Variants in NUAK2 observed in about 807,000 individuals in gnomAD.
The protein encoded by NUAK2 is NUAK family kinase 2, also known as NUAK family SNF1-like kinase 2.
NUAK2 carries 20 observed loss-of-function variants against 29.8 expected under a neutral mutation model. That is an observed-to-expected ratio of 0.67 (90% CI 0.47 to 0.98). The LOEUF (loss-of-function observed/expected upper bound fraction) is 0.98, where lower values mean the gene tolerates loss of function less well. Among genes scored for constraint, NUAK2 ranks in the 50% least tolerant of loss-of-function variants. NUAK2 has a pLI of 0.00. For synonymous variants in NUAK2, 331 were observed against 342.6 expected (o/e 0.97, Z 0.37); for missense variants, 719 against 834.5 (o/e 0.86, Z 1.71).
intron 1 of NUAK2, 39 bp from the exon 2 acceptor site, chr1:205,311,864 G>A: frequency 6.2e-7 from 1 of 1,610,986 alleles, no homozygotes; most frequent in Non-Finnish European, 8.5e-7. Flanking sequence ...GAAAGGTTTG[G>A]CAGAGGACAC....
rs1459146734 is a variant in NUAK2, at chr1:205,304,426, T to G, written c.911A>C (p.Asn304Thr). The G allele has an allele frequency of 6.3e-7, 1 of 1,589,866 alleles. No individual in the cohort carries two copies. Among genetic ancestry groups the G allele is most frequent in the Non-Finnish European group, 8.6e-7 (1 of 1,166,456 alleles). ...LEDVASHWWV[N>T]WGYATRVGEQ... ...TCCCACTCGGGTGGCGTAGCCCCAGTTGACCCACCAGTGACTGGCCACATC... is the reference window on the plus strand; with the variant it reads ...TCCCACTCGGGTGGCGTAGCCCCAGGTGACCCACCAGTGACTGGCCACATC... The change falls in exon 7 of 7, where the codon AAC (asparagine) becomes ACC (threonine). Residue 304 changes from asparagine to threonine, a missense_variant. By Grantham distance (65) the Asn-to-Thr change is moderately conservative (BLOSUM62 0). Coordinates refer to ENST00000367157, the MANE Select transcript of NUAK2 (RefSeq NM_030952.3). This position sits in a 1 kb window ranked among gnomAD's most constrained non-coding sequence, Gnocchi z 6.5.
chr1:205,315,134 G>T (rs571577614), intron 1 of NUAK2, among the ~76,000 whole-genome samples: 1 of 152,162 alleles, frequency 6.6e-6, no homozygotes, highest in Non-Finnish European at 1.5e-5. Context: ...ATCACAGTAC[G>T]GCTGGCACTT....
rs1166768975 is a variant in NUAK2, at chr1:205,321,629, G to A, written c.-1C>T. On this transcript the variant is annotated 5_prime_UTR_variant, in exon 1 of 7. Transcript: ENST00000367157. ...GCCGCGCGAAAACCAGCGACTCCAT[G>A]GCGAGCAGGAGGTGAGCAAGGGCGG... The A allele has an allele frequency of 1.1e-5, 18 of 1,608,178 alleles. No individual in the cohort carries two copies. Among genetic ancestry groups the A allele is most frequent in the Non-Finnish European group, 1.5e-5 (18 of 1,179,286 alleles).
In NUAK2 at chr1:205,308,683, C is replaced by G; in HGVS notation, c.402G>C (p.Arg134=). Residue 134 remains arginine (R), a synonymous_variant, in exon 3 of 7, where the codon CGG becomes CGC. Transcript: ENST00000367157. This position sits in a 1 kb window ranked among gnomAD's most constrained non-coding sequence, Gnocchi z 4.1. The part of the protein sequence containing the change: ...KIVIVMEYAS[R]GDLYDYISER... Reference sequence around the variant, plus strand: ...CGCTGATGTAGTCATAAAGGTCGCCCCGGCTGGCATACTCCATGACGATCA... The same window carrying G: ...CGCTGATGTAGTCATAAAGGTCGCCGCGGCTGGCATACTCCATGACGATCA... 6.2e-7 allele frequency: 1 copy of G among 1,614,092 alleles called. No homozygotes were observed. The highest frequency in any genetic ancestry group is 8.5e-7 in the Non-Finnish European group (1 of 1,180,030).
In NUAK2 at chr1:205,320,168, A is replaced by G. The variant is rs1446019579; in HGVS notation, c.231+1230T>C. On this transcript the variant is annotated intron_variant, in intron 1 of 6. Coordinates refer to ENST00000367157, the MANE Select transcript of NUAK2 (RefSeq NM_030952.3). ...ACTCAAGTTTGAGAACCAGTTAACC[A>G]CTGCTAACTAACTTTTGACAAATTT... Among the ~76,000 whole-genome samples the G allele has an allele frequency of 2.0e-5, 3 of 152,188 alleles. No individual in the cohort carries two copies. The East Asian group carries it at 5.8e-4, about 29-fold the overall frequency.
intron 2 of NUAK2, among the ~76,000 whole-genome samples, chr1:205,309,477 C>T (rs1352872028): frequency 6.6e-6 from 1 of 152,162 alleles, no homozygotes; most frequent in Non-Finnish European, 1.5e-5. Flanking sequence ...AAGGTGCGCG[C>T]CACCATGCCA....
Position 205,303,877 on chromosome 1 carries a change from T to G in NUAK2, c.1460A>C (p.Lys487Thr). 1 of 1,614,046 alleles carries G rather than the reference T, an allele frequency of 6.2e-7. No homozygotes were observed. Among genetic ancestry groups the G allele is most frequent in the East Asian group, 2.2e-5 (1 of 44,870 alleles). The change falls in exon 7 of 7, where the codon AAG becomes ACG. Residue 487 changes from lysine to threonine, a missense_variant. Lys to Thr is a moderately conservative substitution (Grantham distance 78, BLOSUM62 -1). Around this residue, in one of 3 missense-constraint regions of NUAK2, gnomAD observed 430 missense variants for 465.7 expected, o/e 0.92. Coordinates refer to ENST00000367157, the MANE Select transcript of NUAK2 (RefSeq NM_030952.3). ...GAGCAGCCCTGAAGCTTGCGGAGGCTTCTGCTCCTTGGGATCCCCACTCAC... is the reference window on the plus strand; with the variant it reads ...GAGCAGCCCTGAAGCTTGCGGAGGCGTCTGCTCCTTGGGATCCCCACTCAC... ...VFVSGDPKEQ[K>T]PPQASGLLLH... is the part of the protein sequence containing the mutation.
In NUAK2 at chr1:205,304,626, G is replaced by A. The variant is rs1558671742; in HGVS notation, c.824-113C>T. On this transcript the variant is annotated intron_variant, in intron 6 of 6. Transcript: ENST00000367157. The surrounding 1 kb of genome is among the most constrained non-coding windows in gnomAD (Gnocchi z 6.5). ...CTATGACACTGCATACTCCTGGGTCGGATGCGTCCCTTCCAACCTAGGGCT... is the reference window on the plus strand; with the variant it reads ...CTATGACACTGCATACTCCTGGGTCAGATGCGTCCCTTCCAACCTAGGGCT... 5.4e-6 allele frequency: 5 copies of A among 932,970 alleles called. No homozygotes were observed. Among genetic ancestry groups the A allele is most frequent in the East Asian group, 2.7e-5 (1 of 36,884 alleles). 57.8% of individuals were successfully genotyped at this position (932,970 alleles called of 1,614,324 possible).
chr1:205,313,605 C>G (rs1290938873), intron 1 of NUAK2, among the ~76,000 whole-genome samples: 1 of 152,002 alleles, frequency 6.6e-6, no homozygotes, highest in Non-Finnish European at 1.5e-5. Flanking sequence ...GGGAGAGACA[C>G]TGCCTAGGGA....
intron 1 of NUAK2, 27 bp downstream of exon 1, chr1:205,321,371 C>G (rs761339104): frequency 1.3e-6 from 2 of 1,587,224 alleles, no homozygotes; most frequent in Non-Finnish European, 1.7e-6. Context: ...GAGCCCGCCC[C>G]GCGCCGCGAG....
Position 205,304,490 on chromosome 1 carries a change from G to A in NUAK2, c.847C>T (p.Leu283=). The A allele has an allele frequency of 6.6e-7, 1 of 1,518,204 alleles. No individual in the cohort carries two copies. Among genetic ancestry groups the A allele is most frequent in the Admixed American group, 2.2e-5 (1 of 45,436 alleles). The allele number at this position is 1,518,204 out of a possible 1,614,324, so 94.0% of individuals were successfully genotyped here. A position where few individuals can be genotyped will look rare whatever the true frequency, so the allele number is the denominator to read the frequency against. ...PSDACGLIRW[L]LMVNPTRRAT... ...CGGCGGGTGGGGTTCACCATCAACA[G>A]CCACCGGATCAGGCCACAGGCATCT... The change falls in exon 7 of 7, where the codon CTG becomes TTG. Residue 283 remains leucine (L), a synonymous_variant. Coordinates refer to ENST00000367157, the MANE Select transcript of NUAK2 (RefSeq NM_030952.3). This position sits in a 1 kb window ranked among gnomAD's most constrained non-coding sequence, Gnocchi z 6.5.
chr1:205,307,022 A>T (rs1230089366), intron 4 of NUAK2, among the ~76,000 whole-genome samples: 1 of 152,164 alleles, frequency 6.6e-6, no homozygotes, highest in African/African-American at 2.4e-5. Context: ...GGCAGAACAA[A>T]CATCAGGGCT....
chr1:205,305,472 G>A lies in NUAK2; in HGVS notation c.691-141C>T, dbSNP rs183691010. 5.7e-4 allele frequency: 812 copies of A among 1,424,990 alleles called. 1 individual carries two copies. The highest frequency in any genetic ancestry group is 7.1e-4 in the Non-Finnish European group (771 of 1,091,158). 88.3% of individuals were successfully genotyped at this position (1,424,990 alleles called of 1,614,324 possible). On this transcript the variant is annotated intron_variant, in intron 5 of 6. Transcript: ENST00000367157. Reference sequence around the variant, plus strand: ...CCAAGACGGGGATGCTGCAGAAGGGGTCTGAGATGTTGTCAATCGCATTTC... The same window carrying A: ...CCAAGACGGGGATGCTGCAGAAGGGATCTGAGATGTTGTCAATCGCATTTC...
Position 205,321,677 on chromosome 1 carries a change from G to A in NUAK2, c.-49C>T, listed in dbSNP as rs762690938. ...CGGCAGGGGAATCAGTAGGCTGTGC[G>A]GGGAGGGCTGAAGCGCGGGGCACAG... On this transcript the variant is annotated 5_prime_UTR_variant, in exon 1 of 7. Coordinates refer to ENST00000367157, the MANE Select transcript of NUAK2 (RefSeq NM_030952.3). The A allele has an allele frequency of 2.7e-6, 4 of 1,505,378 alleles. No homozygotes were observed. Among genetic ancestry groups the A allele is most frequent in the African/African-American group, 2.7e-5 (2 of 73,168 alleles). The allele number at this position is 1,505,378 out of a possible 1,614,324, so 93.3% of individuals were successfully genotyped here.
intron 2 of NUAK2, 33 bp downstream of exon 2, chr1:205,311,672 C>T (rs143954614): frequency 1.9e-6 from 3 of 1,613,042 alleles, no homozygotes; most frequent in South Asian, 2.2e-5. Context: ...CACACATAGA[C>T]CCCCAAGTTC....
chr1:205,308,780 C>A lies in NUAK2; in HGVS notation c.353-48G>T. On this transcript the variant is annotated intron_variant, in intron 2 of 6. Transcript: ENST00000367157. The surrounding 1 kb of genome is among the most constrained non-coding windows in gnomAD (Gnocchi z 4.1). ...CGTCAGGCCCTCCCAGAGTGCACTG[C>A]TCTCCACTGGGGGTGACTCACTCCT... 1 of 1,600,954 alleles carries A rather than the reference C, an allele frequency of 6.2e-7. No homozygotes were observed.
chr1:205,313,786 GT>G (rs1392247046), intron 1 of NUAK2, among the ~76,000 whole-genome samples: 1 of 151,910 alleles, frequency 6.6e-6, no homozygotes, highest in Non-Finnish European at 1.5e-5. Flanking sequence ...GCAGGGCTAG[GT>G]GGGAGCTGGG....
At chr1:205,318,907 C>T (rs980186696) in intron 1 of NUAK2, among the ~76,000 whole-genome samples, 11 of 152,260 alleles carry the variant, frequency 7.2e-5, no homozygotes, top group South Asian at 2.1e-4. Context: ...AGGTTGGGAG[C>T]GGGAAGTGTG....
chr1:205,311,946 C>T, intron 1 of NUAK2, 121 bp from the exon 2 acceptor site: 2 of 1,271,492 alleles, frequency 1.6e-6, no homozygotes, highest in Non-Finnish European at 2.2e-6. Flanking sequence ...ATAGAAGCCA[C>T]TCCATCCTTC....
Sources: allele counts gnomAD v4.1 joint callset (sites outside exome capture counted in the v4.1 genomes callset), GRCh38; gene constraint gnomAD v4.1.1; regional missense constraint gnomAD v4.1.1; non-coding constraint Gnocchi (gnomAD v3.1); transcripts MANE v1.5; gene names NCBI Gene and HGNC (gene_info 2026-07-23, HGNC 2026-07-21).